The following RAB36 variants were observed in gnomAD, a reference collection of about 807,000 sequenced individuals.
RAB36 encodes RAB36, member RAS oncogene family.
Under a neutral mutation model 39.3 loss-of-function variants are expected in RAB36, and 33 were observed. The observed-to-expected ratio is 0.84, with a 90% CI of 0.64 to 1.12. The LOEUF (loss-of-function observed/expected upper bound fraction) is 1.12. RAB36 is among the 50% of genes most tolerant of loss of function. The probability of loss-of-function intolerance (pLI) is 0.00; values close to 1 mark genes in which losing one functional copy is unlikely to be tolerated. For missense variants in RAB36, 308 were observed against 355.3 expected (o/e 0.87, Z 1.07); for synonymous variants, 133 against 140.2 (o/e 0.95, Z 0.36).
rs16998069 is a variant in RAB36, at chr22:23,152,739, C to T, written c.227+213C>T. On this transcript the variant is annotated intron_variant, in intron 4 of 10. Transcript: ENST00000263116. ...AAATTGTGGCGTCCCAGGAGCCTGGCGCTTGTCAGACTGTCCCCCTGGGGC... is the reference window on the plus strand; with the variant it reads ...AAATTGTGGCGTCCCAGGAGCCTGGTGCTTGTCAGACTGTCCCCCTGGGGC... Among the ~76,000 whole-genome samples, 2,204 of 152,312 alleles carry T rather than the reference C, an allele frequency of 0.014. 19 individuals are homozygous for T. The highest frequency in any genetic ancestry group is 0.022 in the Non-Finnish European group (1,507 of 68,020).
At chr22:23,152,315 C>G (rs1198917417) in intron 3 of RAB36, 146 bp from the exon 4 acceptor site, 4 of 775,536 alleles carry the variant, frequency 5.2e-6, no homozygotes, top group Non-Finnish European at 9.0e-6. Context: ...GAAGGGGGAA[C>G]ACAGTGTCTC....
chr22:23,162,601 C>G lies in RAB36; in HGVS notation c.*1037C>G, dbSNP rs1453556138. 8.8e-6 allele frequency: 4 copies of G among 455,160 alleles called. No individual in the cohort carries two copies. The highest frequency in any genetic ancestry group is 8.0e-5 in the African/African-American group (4 of 50,054). The allele number at this position is 455,160 out of a possible 1,614,324, so 28.2% of individuals were successfully genotyped here. A position where few individuals can be genotyped will look rare whatever the true frequency, so the allele number is the denominator to read the frequency against. On this transcript the variant is annotated 3_prime_UTR_variant, in exon 11 of 11. Coordinates refer to ENST00000263116, the MANE Select transcript of RAB36 (RefSeq NM_004914.5). ...AGCAGACAGAAATACCCCACACATT[C>G]CCCAGCCTCTCTGCCCAGTATGCTC...
rs1219812319 is a variant in RAB36 at position 23,163,069 on chromosome 22, G to A, written c.*1505G>A. On this transcript the variant is annotated 3_prime_UTR_variant, in exon 11 of 11. Transcript: ENST00000263116. ...TGGGATTACAGGCATGCACCACCAT[G>A]CCTGGCTAATTTTGTATTTTTAGTA... 1.2e-5 allele frequency: 3 copies of A among 248,986 alleles called. No homozygotes were observed. The Admixed American group carries it at 1.5e-4, about 13-fold the overall frequency. 15.4% of individuals were successfully genotyped at this position (248,986 alleles called of 1,614,324 possible).
At position 23,164,865 on chromosome 22, in the gene RAB36, C is replaced by G. The variant is rs917274145; in HGVS notation, c.*3301C>G. On this transcript the variant is annotated 3_prime_UTR_variant, in exon 11 of 11. Coordinates refer to ENST00000263116, the MANE Select transcript of RAB36 (RefSeq NM_004914.5). ...CCAGGGCTAGGTCCCAGGGTGCTCT[C>G]GCTCTGGCTTTCGAGGCTCCTCACC... Among the ~76,000 whole-genome samples the G allele has an allele frequency of 6.6e-6, 1 of 152,108 alleles. No individual in the cohort carries two copies. Among genetic ancestry groups the G allele is most frequent in the Non-Finnish European group, 1.5e-5 (1 of 68,012 alleles).
Position 23,152,338 on chromosome 22 carries a change from C to A in RAB36, c.162-123C>A, listed in dbSNP as rs1601908646. On this transcript the variant is annotated intron_variant, in intron 3 of 10. Transcript: ENST00000263116. ...AACACAGTGTCTCAGCAGGGTGGCC[C>A]ATCCTGTGTCCAGGAGTGAGGGGTG... 15 of 964,862 alleles carry A rather than the reference C, an allele frequency of 1.6e-5. No homozygotes were observed. The South Asian group carries it at 2.1e-4, about 13-fold the overall frequency. The allele number at this position is 964,862 out of a possible 1,614,324, so 59.8% of individuals were successfully genotyped here.
In RAB36 at chr22:23,162,812, T is replaced by G. The variant is rs750391332; in HGVS notation, c.*1248T>G. On this transcript the variant is annotated 3_prime_UTR_variant, in exon 11 of 11. Transcript: ENST00000263116. ...GCACACTGCAGCTGCCCTGTAAATGTTCAGCTCAGCGATTGCCAAATACCA... is the reference window on the plus strand; with the variant it reads ...GCACACTGCAGCTGCCCTGTAAATGGTCAGCTCAGCGATTGCCAAATACCA... The G allele has an allele frequency of 6.7e-6, 3 of 450,700 alleles. No individual in the cohort carries two copies. The highest frequency in any genetic ancestry group is 4.7e-5 in the South Asian group (3 of 64,382). The allele number at this position is 450,700 out of a possible 1,614,324, so 27.9% of individuals were successfully genotyped here. A position where few individuals can be genotyped will look rare whatever the true frequency, so the allele number is the denominator to read the frequency against.
At chr22:23,165,828 C>T (rs1158936741), downstream of RAB36, among the ~76,000 whole-genome samples, 1 of 152,104 alleles carries the variant, frequency 6.6e-6, no homozygotes, top group Non-Finnish European at 1.5e-5. Flanking sequence ...GGCTTCCTCA[C>T]AGTGTGGTGG....
At position 23,163,606 on chromosome 22, in the gene RAB36, G is replaced by GCCCCCCCCCCCCCCCCCCC. The variant is rs71744650; in HGVS notation, c.*2052_*2053insCCCCCCCCCCCCCCCCCCC. 10 of 125,228 alleles carry GCCCCCCCCCCCCCCCCCCC rather than the reference G, an allele frequency of 8.0e-5. No homozygotes were observed. The highest frequency in any genetic ancestry group is 1.1e-4 in the African/African-American group (4 of 36,394). The allele number at this position is 125,228 out of a possible 1,614,324, so 7.8% of individuals were successfully genotyped here. A position where few individuals can be genotyped will look rare whatever the true frequency, so the allele number is the denominator to read the frequency against. ...AAAGCATATAAAATACAAGGTGAAA[G>GCCCCCCCCCCCCCCCCCCC]CCCCCCCCCCGCCACATTAGCTGCG... On this transcript the variant is annotated 3_prime_UTR_variant, in exon 11 of 11. Coordinates refer to ENST00000263116, the MANE Select transcript of RAB36 (RefSeq NM_004914.5).
chr22:23,166,072 G>A (rs990684539), downstream of RAB36, among the ~76,000 whole-genome samples: 2 of 148,336 alleles, frequency 1.3e-5, no homozygotes, highest in African/African-American at 5.0e-5. Context: ...CTTGAACCTG[G>A]GAGGTGGAAG....
chr22:23,161,431 G>A (rs1219178570), intron 10 of RAB36, 69 bp from the exon 11 acceptor site: 20 of 1,357,686 alleles, frequency 1.5e-5, no homozygotes, highest in South Asian at 7.3e-5. Context: ...TGTCAGGGCC[G>A]GCATCCCCTG....
chr22:23,155,892 C>A, intron 5 of RAB36, 76 bp from the exon 6 acceptor site: 1 of 1,380,008 alleles, frequency 7.2e-7, no homozygotes, highest in Non-Finnish European at 9.8e-7. Context: ...ACCCATGGTC[C>A]CGTAGCCTGT....
intron 5 of RAB36, among the ~76,000 whole-genome samples, chr22:23,155,105 A>G (rs188045761): frequency 6.6e-5 from 10 of 152,348 alleles, no homozygotes; most frequent in Non-Finnish European, 1.5e-4. Context: ...AGCCTGGGCA[A>G]TAAGAGCGAA....
At chr22:23,167,787 ATCC>A (rs2072075979), downstream of RAB36, among the ~76,000 whole-genome samples, 1 of 151,870 alleles carries the variant, frequency 6.6e-6, no homozygotes. Flanking sequence ...GTCTCAAGCA[ATCC>A]TCCTGTCTCA....
At chr22:23,160,816 C>G in intron 9 of RAB36, 63 bp from the exon 10 acceptor site, 1 of 1,572,526 alleles carries the variant, frequency 6.4e-7, no homozygotes. Context: ...GCTTTCACAC[C>G]CAGATGCATT....
intron 3 of RAB36, among the ~76,000 whole-genome samples, chr22:23,151,032 G>A (rs982263106): frequency 6.6e-6 from 1 of 152,230 alleles, no homozygotes; most frequent in African/African-American, 2.4e-5. Context: ...AGGTACAAGG[G>A]CCTGCTTTTG....
chr22:23,161,268 G>A (rs1352913546), intron 10 of RAB36, among the ~76,000 whole-genome samples: 2 of 152,068 alleles, frequency 1.3e-5, no homozygotes, highest in Non-Finnish European at 2.9e-5. Context: ...CAGGCTGGGC[G>A]TCCCAGGCTC....
intron 4 of RAB36, among the ~76,000 whole-genome samples, 181 bp downstream of exon 4, chr22:23,152,707 T>C (rs1414870831): frequency 6.6e-6 from 1 of 152,192 alleles, no homozygotes; most frequent in African/African-American, 2.4e-5. Context: ...ATGGCAGGGC[T>C]GGGCAGAAAT....
At chr22:23,158,766 G>C in intron 7 of RAB36, 132 bp from the exon 8 acceptor site, 1 of 765,898 alleles carries the variant, frequency 1.3e-6, no homozygotes. Flanking sequence ...CTCAGCCAGT[G>C]TGGGCCAGGA....
In RAB36 at chr22:23,162,379, C is replaced by T. The variant is rs996795692; in HGVS notation, c.*815C>T. The T allele has an allele frequency of 5.6e-5, 19 of 341,464 alleles. 1 individual carries two copies. The highest frequency in any genetic ancestry group is 3.1e-4 in the Admixed American group (8 of 25,960). 21.2% of individuals were successfully genotyped at this position (341,464 alleles called of 1,614,324 possible). ...AGCTGTCCTAGGGTAACTCACTCTG[C>T]AGCCCTTGAACATGGCACTGCCCTC... On this transcript the variant is annotated 3_prime_UTR_variant, in exon 11 of 11. Coordinates refer to ENST00000263116, the MANE Select transcript of RAB36 (RefSeq NM_004914.5).
Sources: gnomAD v4.1 joint callset for allele counts (sites outside exome capture counted in the v4.1 genomes callset) on GRCh38, gnomAD v4.1.1 for gene constraint, MANE v1.5 for transcripts, NCBI Gene and HGNC (gene_info 2026-07-23, HGNC 2026-07-21) for gene names.